The following EIF4B variants were observed in gnomAD, a reference collection of about 807,000 sequenced individuals.
EIF4B encodes eukaryotic translation initiation factor 4B.
A neutral mutation model predicts 79.3 loss-of-function variants in EIF4B; 8 were observed. The observed-to-expected ratio is 0.10, with a 90% CI of 0.06 to 0.18. EIF4B has a LOEUF of 0.18. EIF4B is among the 10% of genes least tolerant of loss of function. EIF4B has a pLI of 1.00. For missense variants in EIF4B, 515 were observed against 792.4 expected, an observed-to-expected ratio of 0.65 and a Z score of 4.20; for synonymous variants, 238 against 274.7, an observed-to-expected ratio of 0.87 and a Z score of 1.32.
In EIF4B at chr12:53,034,956, C is replaced by CTT. The variant is rs72498436; in HGVS notation, c.1306+268_1306+269dup. 9.8e-3 allele frequency among the ~76,000 whole-genome samples: 885 copies of CTT among 90,074 alleles called. 16 individuals are homozygous for CTT. In the East Asian group the frequency reaches 0.11, roughly 11 times the overall value. 59.1% of individuals were successfully genotyped at this position (90,074 alleles called of 152,430 possible). On this transcript the variant is annotated intron_variant, in intron 10 of 14. Transcript: ENST00000262056. ...ACTTGGTTGTTAGGTTTGTCTCTCT[C>CTT]TTTTTTTTTTTTTTTTTTTTTTGGT...
chr12:53,006,740 G>A (rs1008482007), intron 1 of EIF4B, among the ~76,000 whole-genome samples: 9 of 151,948 alleles, frequency 5.9e-5, no homozygotes, highest in African/African-American at 2.2e-4. Context: ...GGAATAGGCA[G>A]TAATGGTAGA....
intron 6 of EIF4B, among the ~76,000 whole-genome samples, chr12:53,027,419 G>A (rs1461150063): frequency 2.0e-5 from 3 of 151,784 alleles, no homozygotes; most frequent in African/African-American, 4.8e-5. Flanking sequence ...ACAGGCATGA[G>A]CCACCGTGAC....
At chr12:53,019,472 T>TC (rs1943212082) in intron 3 of EIF4B, among the ~76,000 whole-genome samples, 1 of 136,474 alleles carries the variant, frequency 7.3e-6, no homozygotes, top group South Asian at 2.4e-4. Flanking sequence ...TTTTTTTTTT[T>TC]TTGAGACAGA....
intron 3 of EIF4B, 142 bp downstream of exon 3, chr12:53,019,148 C>T: frequency 1.9e-6 from 2 of 1,058,810 alleles, no homozygotes; most frequent in South Asian, 1.6e-5. Flanking sequence ...CCTGTAATCC[C>T]AGCACTCTGG....
intron 8 of EIF4B, among the ~76,000 whole-genome samples, chr12:53,029,840 A>C (rs187833826): frequency 6.6e-6 from 1 of 152,188 alleles, no homozygotes; most frequent in East Asian, 1.9e-4. Context: ...ATTCTATTGC[A>C]GTGAGGTCTT....
chr12:53,024,047 G>A lies in EIF4B; in HGVS notation c.667+1420G>A, dbSNP rs148489793. On this transcript the variant is annotated intron_variant, in intron 6 of 14. Coordinates refer to ENST00000262056, the MANE Select transcript of EIF4B (RefSeq NM_001417.7). ...AAAACAAGAAAATCCTGTCTTTATT[G>A]GGCATACATTATTATAGTGGAGGGA... Among the ~76,000 whole-genome samples, 430 of 152,152 alleles carry A rather than the reference G, an allele frequency of 2.8e-3. 18 individuals carry two copies. Among genetic ancestry groups the A allele is most frequent in the Admixed American group, 0.026 (402 of 15,276 alleles).
chr12:53,016,713 A>T, intron 2 of EIF4B, 103 bp downstream of exon 2: 1 of 1,426,558 alleles, frequency 7.0e-7, no homozygotes, highest in Non-Finnish European at 9.3e-7. Flanking sequence ...GAACTTACTC[A>T]TTTTTTAGCA....
In EIF4B at chr12:53,025,461, TG is replaced by T. The variant is rs11346846; in HGVS notation, c.668-2315del. 936 of 313,944 alleles carry T rather than the reference TG, an allele frequency of 3.0e-3. 9 individuals carry two copies. The highest frequency in any genetic ancestry group is 0.019 in the African/African-American group (885 of 45,508). The allele number at this position is 313,944 out of a possible 1,614,324, so 19.4% of individuals were successfully genotyped here. ...CCAAAAAGAGAACCCCGAGGGGTGT[TG>T]GGGGGTATTACACTCAGTATTCCTA... On this transcript the variant is annotated intron_variant, in intron 6 of 14. Transcript: ENST00000262056.
chr12:53,013,367 C>A (rs756264611), intron 1 of EIF4B, among the ~76,000 whole-genome samples: 1 of 152,200 alleles, frequency 6.6e-6, no homozygotes, highest in Non-Finnish European at 1.5e-5. Flanking sequence ...CTGTAGCTAG[C>A]ATCATATTAA....
intron 8 of EIF4B, among the ~76,000 whole-genome samples, chr12:53,030,440 AGACGGAGTCTCTCTCTAGTT>A (rs1565590757): frequency 3.9e-3 from 35 of 9,080 alleles, no homozygotes; most frequent in Admixed American, 0.014. Context: ...TTTTTTTTTG[AGACGGAGTCTCTCTCTAGTT>A]GCCCAGGCTA....
intron 11 of EIF4B, 109 bp from the exon 12 acceptor site, chr12:53,038,247 G>T: frequency 1.1e-6 from 1 of 882,322 alleles, no homozygotes; most frequent in Non-Finnish European, 1.7e-6. Flanking sequence ...CATTGAGTAT[G>T]ATTTTGTTTT....
chr12:53,014,246 T>G (rs1420946739), intron 1 of EIF4B, among the ~76,000 whole-genome samples: 2 of 133,240 alleles, frequency 1.5e-5, no homozygotes, highest in African/African-American at 2.8e-5. Context: ...ACTGTGAAAC[T>G]AAAAAAAAAA....
At chr12:53,039,451 C>CTAAA in intron 13 of EIF4B, 108 bp downstream of exon 13, 2 of 1,224,472 alleles carry the variant, frequency 1.6e-6, no homozygotes, top group Non-Finnish European at 2.3e-6. Flanking sequence ...TGTGAGCAAA[C>CTAAA]TAAAGTCAGC....
rs115214256 is a variant in EIF4B at position 53,033,813 on chromosome 12, C to G, written c.987C>G (p.Pro329=). Reference sequence around the variant, plus strand: ...AAGTTTCATTTAACTTAGGTCCCCCCCAAAGACCCAAACTGAATCTAAAGC... The same window carrying G: ...AAGTTTCATTTAACTTAGGTCCCCCGCAAAGACCCAAACTGAATCTAAAGC... The part of the protein sequence containing the change: ...DDYRRDDRGP[P]QRPKLNLKPR... Residue 329 remains proline (P), a synonymous_variant, in exon 9 of 15, where the codon CCC becomes CCG. Transcript: ENST00000262056. The G allele has an allele frequency of 0.029, 46,682 of 1,590,182 alleles. 918 individuals carry two copies. Among genetic ancestry groups the G allele is most frequent in the Non-Finnish European group, 0.031 (36,375 of 1,168,804 alleles).
At position 53,041,544 on chromosome 12, in the gene EIF4B, A is replaced by T. The variant is rs1267030144; in HGVS notation, c.*1321A>T. On this transcript the variant is annotated 3_prime_UTR_variant, in exon 15 of 15. Coordinates refer to ENST00000262056, the MANE Select transcript of EIF4B (RefSeq NM_001417.7). Reference sequence around the variant, plus strand: ...GCTTCCCTTGAGAGAATAAATGGTAATGGAGAGAACTATTTAACAAGGTCC... The same window carrying T: ...GCTTCCCTTGAGAGAATAAATGGTATTGGAGAGAACTATTTAACAAGGTCC... 1 of 151,972 alleles carries T rather than the reference A, an allele frequency of 6.6e-6. No homozygotes were observed. Among genetic ancestry groups the T allele is most frequent in the Non-Finnish European group, 1.5e-5 (1 of 67,980 alleles). 9.4% of individuals were successfully genotyped at this position (151,972 alleles called of 1,614,324 possible).
chr12:53,025,130 G>T (rs1943312974), intron 6 of EIF4B: 1 of 434,184 alleles, frequency 2.3e-6, no homozygotes, highest in Admixed American at 2.6e-5. Context: ...GTTTATATCT[G>T]ACTTTTTACA....
chr12:53,020,970 A>G (rs1943239090), intron 4 of EIF4B, among the ~76,000 whole-genome samples: 1 of 152,186 alleles, frequency 6.6e-6, no homozygotes. Flanking sequence ...AACTATTAAT[A>G]TATTGTTGTG....
At chr12:53,011,729 C>T (rs1312004258) in intron 1 of EIF4B, among the ~76,000 whole-genome samples, 2 of 152,176 alleles carry the variant, frequency 1.3e-5, no homozygotes, top group Non-Finnish European at 2.9e-5. Context: ...TCTTGTTTAA[C>T]GGCTTCTGGA....
intron 10 of EIF4B, among the ~76,000 whole-genome samples, chr12:53,036,323 A>G (rs1382667663): frequency 1.3e-5 from 2 of 151,592 alleles, no homozygotes; most frequent in Non-Finnish European, 2.9e-5. Flanking sequence ...CATGTTGGCC[A>G]GGATTGTCTC....
Sources: gnomAD v4.1 joint callset for allele counts (sites outside exome capture counted in the v4.1 genomes callset) on GRCh38, gnomAD v4.1.1 for gene constraint, MANE v1.5 for transcripts, NCBI Gene and HGNC (gene_info 2026-07-23, HGNC 2026-07-21) for gene names.